HDAC2: variants seen among roughly 807,000 people sequenced by gnomAD.
HDAC2 encodes histone deacetylase 2.
Under a neutral mutation model 68.5 loss-of-function variants are expected in HDAC2, and 5 were observed. That is an observed-to-expected ratio of 0.07 (90% CI 0.04 to 0.15). HDAC2 has a LOEUF of 0.15. Among genes scored for constraint, HDAC2 ranks in the 10% least tolerant of loss-of-function variants. HDAC2 has a pLI of 1.00. For missense variants in HDAC2, 291 were observed against 600.8 expected, an observed-to-expected ratio of 0.48 and a Z score of 5.39; for synonymous variants, 182 against 191.3, an observed-to-expected ratio of 0.95 and a Z score of 0.40.
chr6:113,960,641 CATCTT>C (rs1776661153), intron 1 of HDAC2, among the ~76,000 whole-genome samples: 2 of 151,964 alleles, frequency 1.3e-5, no homozygotes, highest in East Asian at 3.8e-4. Context: ...TTTTAAACGG[CATCTT>C]ATATCACAAT....
chr6:113,968,859 C>T (rs958308614), intron 1 of HDAC2, among the ~76,000 whole-genome samples: 1 of 152,222 alleles, frequency 6.6e-6, no homozygotes, highest in African/African-American at 2.4e-5. Context: ...AACTGCTACT[C>T]AAGTGTACCC....
At position 113,936,356 on chromosome 6, in the gene HDAC2, A is replaced by C. The variant is rs1775997030; in HGVS notation, c.*4702T>G. The C allele has an allele frequency of 6.6e-6, 1 of 152,086 alleles. No individual in the cohort carries two copies. Among genetic ancestry groups the C allele is most frequent in the Non-Finnish European group, 1.5e-5 (1 of 68,008 alleles). 9.4% of individuals were successfully genotyped at this position (152,086 alleles called of 1,614,324 possible). Reference sequence around the variant, plus strand: ...AGAAGCTTCTAAATGCTGTAATCCTAAACATTTCTCCGCATTGCTCATGTA... The same window carrying C: ...AGAAGCTTCTAAATGCTGTAATCCTCAACATTTCTCCGCATTGCTCATGTA... On this transcript the variant is annotated 3_prime_UTR_variant, in exon 14 of 14. Transcript: ENST00000519065.
chr6:113,969,192 G>A (rs1776912634), intron 1 of HDAC2, among the ~76,000 whole-genome samples: 2 of 152,102 alleles, frequency 1.3e-5, no homozygotes, highest in Non-Finnish European at 2.9e-5. Context: ...CTCCACGATG[G>A]CATAATTTCA....
At chr6:113,953,610 C>T (rs1318526686) in intron 5 of HDAC2, among the ~76,000 whole-genome samples, 192 bp from the exon 6 acceptor site, 2 of 152,096 alleles carry the variant, frequency 1.3e-5, no homozygotes, top group Non-Finnish European at 1.5e-5. Context: ...ACTTGTGGCC[C>T]AATGTAGGTT....
intron 1 of HDAC2, among the ~76,000 whole-genome samples, chr6:113,962,913 G>A (rs1235193618): frequency 1.4e-5 from 2 of 146,478 alleles, no homozygotes; most frequent in African/African-American, 2.5e-5. Flanking sequence ...GCAGTGAGCC[G>A]AGATCGTGCC....
chr6:113,969,183 T>G (rs2114626489), intron 1 of HDAC2, among the ~76,000 whole-genome samples: 1 of 152,336 alleles, frequency 6.6e-6, no homozygotes, highest in East Asian at 1.9e-4. Context: ...TCTCCACCCC[T>G]CCACGATGGC....
Position 113,940,340 on chromosome 6 carries a change from C to T in HDAC2, c.*718G>A, listed in dbSNP as rs1268586133. ...TTTTAAACCAGCAATATACTATAGG[C>T]AAGTCTGGTCAATACAAGTTCTGGT... is the stretch of plus-strand genomic sequence containing the variant. On this transcript the variant is annotated 3_prime_UTR_variant, in exon 14 of 14. Coordinates refer to ENST00000519065, the MANE Select transcript of HDAC2 (RefSeq NM_001527.4). 6.6e-6 allele frequency: 1 copy of T among 152,154 alleles called. No homozygotes were observed. Among genetic ancestry groups the T allele is most frequent in the Non-Finnish European group, 1.5e-5 (1 of 68,014 alleles). The allele number at this position is 152,154 out of a possible 1,614,324, so 9.4% of individuals were successfully genotyped here.
At chr6:113,956,534 T>TA (rs1776559101) in intron 4 of HDAC2, 85 bp downstream of exon 4, 3 of 920,422 alleles carry the variant, frequency 3.3e-6, no homozygotes, top group Non-Finnish European at 5.3e-6. Context: ...TCACAATCAT[T>TA]AAAACTTCTG....
intron 13 of HDAC2, 80 bp from the exon 14 acceptor site, chr6:113,941,168 C>CCT (rs2114585792): frequency 2.0e-6 from 2 of 984,158 alleles, no homozygotes; most frequent in East Asian, 5.0e-5. Flanking sequence ...TTGATCAGGT[C>CCT]CTGTAGGCTC....
At chr6:113,956,935 A>G (rs184224244) in intron 3 of HDAC2, 3 of 397,898 alleles carry the variant, frequency 7.5e-6, no homozygotes, top group African/African-American at 2.0e-5. Flanking sequence ...ATTTCTGTCT[A>G]TTAACAAGAA....
chr6:113,953,909 A>G (rs889195404), intron 5 of HDAC2, among the ~76,000 whole-genome samples: 1 of 152,242 alleles, frequency 6.6e-6, no homozygotes, highest in Non-Finnish European at 1.5e-5. Flanking sequence ...CTGACGTGTG[A>G]TAATTATACA....
chr6:113,954,257 T>C (rs769850859), intron 5 of HDAC2, among the ~76,000 whole-genome samples: 1 of 152,236 alleles, frequency 6.6e-6, no homozygotes, highest in African/African-American at 2.4e-5. Context: ...TTGTATTTAT[T>C]ATATAATGGT....
Position 113,966,743 on chromosome 6 carries a change from T to C in HDAC2, c.52+4114A>G, listed in dbSNP as rs566940745. ...ATGGTACAACCAAAAGGAAGAAAAA[T>C]AAGGCAATAACAGGGACTTAGGTAA... On this transcript the variant is annotated intron_variant, in intron 1 of 13. Transcript: ENST00000519065. 2.0e-4 allele frequency among the ~76,000 whole-genome samples: 30 copies of C among 151,684 alleles called. No homozygotes were observed. The East Asian group carries it at 5.8e-3, about 29-fold the overall frequency.
chr6:113,970,148 G>C (rs565492366), intron 1 of HDAC2: 1 of 152,386 alleles, frequency 6.6e-6, no homozygotes, highest in South Asian at 2.1e-4. Flanking sequence ...CGCGCTCAAA[G>C]AACCCAGCGA....
chr6:113,941,628 G>C (rs1776136626), intron 13 of HDAC2, 80 bp downstream of exon 13: 4 of 541,016 alleles, frequency 7.4e-6, no homozygotes, highest in Non-Finnish European at 1.3e-5. Flanking sequence ...TTTCTGAAGT[G>C]TGTACACAAA....
chr6:113,953,505 A>G, intron 5 of HDAC2, 87 bp from the exon 6 acceptor site: 2 of 718,978 alleles, frequency 2.8e-6, no homozygotes, highest in Non-Finnish European at 4.6e-6. Flanking sequence ...CCCATTTTTG[A>G]GCTCTTGCAT....
intron 1 of HDAC2, among the ~76,000 whole-genome samples, chr6:113,962,759 C>T (rs1215009744): frequency 1.3e-5 from 2 of 151,704 alleles, no homozygotes; most frequent in African/African-American, 2.4e-5. Context: ...GTCAAGAGAT[C>T]GAGACCTTCC....
At position 113,939,995 on chromosome 6, in the gene HDAC2, G is replaced by A. The variant is rs936303654; in HGVS notation, c.*1063C>T. ...TCAATGTGGGCCTGACAAAAAGGGA[G>A]ATTTCACTGATTTTGGCAAGTTCCT... is the stretch of plus-strand genomic sequence containing the variant. On this transcript the variant is annotated 3_prime_UTR_variant, in exon 14 of 14. Coordinates refer to ENST00000519065, the MANE Select transcript of HDAC2 (RefSeq NM_001527.4). 1 of 152,162 alleles carries A rather than the reference G, an allele frequency of 6.6e-6. No homozygotes were observed. The highest frequency in any genetic ancestry group is 2.4e-5 in the African/African-American group (1 of 41,440). The allele number at this position is 152,162 out of a possible 1,614,324, so 9.4% of individuals were successfully genotyped here.
rs905030801 is a variant in HDAC2, at chr6:113,940,450, G to C, written c.*608C>G. 3 of 152,166 alleles carry C rather than the reference G, an allele frequency of 2.0e-5. No homozygotes were observed. The highest frequency in any genetic ancestry group is 2.9e-5 in the Non-Finnish European group (2 of 68,022). 9.4% of individuals were successfully genotyped at this position (152,166 alleles called of 1,614,324 possible). ...AAAGAACTCCTACATCTCAATTGCA[G>C]AGTCTGTATTATTTCATAAATTGTA... On this transcript the variant is annotated 3_prime_UTR_variant, in exon 14 of 14. Coordinates refer to ENST00000519065, the MANE Select transcript of HDAC2 (RefSeq NM_001527.4).
Sources: allele counts gnomAD v4.1 joint callset (sites outside exome capture counted in the v4.1 genomes callset), GRCh38; gene constraint gnomAD v4.1.1; transcripts MANE v1.5; gene names NCBI Gene and HGNC (gene_info 2026-07-23, HGNC 2026-07-21).